Variants in AMOTL2 observed in about 807,000 individuals in gnomAD.
AMOTL2 encodes angiomotin-like protein 2.
Under a neutral mutation model 78.4 loss-of-function variants are expected in AMOTL2, and 33 were observed. The ratio of observed to expected loss-of-function variants is 0.42; its 90% CI spans 0.32 to 0.56. The LOEUF is 0.56. Ranked by LOEUF, AMOTL2 falls within the 20% of genes least tolerant of loss-of-function variation. The pLI is 0.12. For missense variants in AMOTL2, 983 were observed against 1,030.1 expected (o/e 0.95, Z 0.63); for synonymous variants, 422 against 428.8 (o/e 0.98, Z 0.20).
At position 134,371,053 on chromosome 3, in the gene AMOTL2, A is replaced by T. The variant is rs146314039; in HGVS notation, c.381T>A (p.His127Gln). ...CCCCACGGGGATCTCGGTCCCCCGCATGTGGCCGGGTCCCTGCCTGCTGGG... is the reference window on the plus strand; with the variant it reads ...CCCCACGGGGATCTCGGTCCCCCGCTTGTGGCCGGGTCCCTGCCTGCTGGG... ...YAAQQAGTRP[H>Q]AGDRDPRGAP... The change falls in exon 2 of 10, where the codon CAT becomes CAA. Residue 127 changes from histidine to glutamine, a missense_variant. His to Gln is a conservative substitution (Grantham distance 24, BLOSUM62 0). Transcript: ENST00000249883. The T allele has an allele frequency of 1.4e-5, 22 of 1,609,356 alleles. No homozygotes were observed. In the African/African-American group the frequency reaches 2.7e-4, roughly 20 times the overall value.
chr3:134,374,654 C>G (rs2018022496), upstream of AMOTL2: 5 of 983,954 alleles, frequency 5.1e-6, no homozygotes, highest in Non-Finnish European at 6.0e-6. Flanking sequence ...CGCTGCTGGC[C>G]GAGCGCCGGC....
Position 134,357,555 on chromosome 3 carries a change from T to G in AMOTL2, c.*150A>C. The G allele has an allele frequency of 1.2e-6, 1 of 821,180 alleles. No individual in the cohort carries two copies. 50.9% of individuals were successfully genotyped at this position (821,180 alleles called of 1,614,324 possible). ...CTCCTCTCCCCTGGGGTCCTCCTCC[T>G]GAGCTCCTGGGACCAGATGGTCAAT... On this transcript the variant is annotated 3_prime_UTR_variant, in exon 10 of 10. Transcript: ENST00000249883.
At chr3:134,368,457 T>C (rs888987955) in intron 2 of AMOTL2, among the ~76,000 whole-genome samples, 1 of 150,872 alleles carries the variant, frequency 6.6e-6, no homozygotes, top group African/African-American at 2.4e-5. Context: ...AGGGTAAGAG[T>C]CTGAGCTCTA....
In AMOTL2 at chr3:134,367,878, C is replaced by T. The variant is rs778499837; in HGVS notation, c.735-75G>A. Reference sequence around the variant, plus strand: ...TCCCACCAGAGCAGCCCGGGGTCACCCCACTCCTAGGCATACTGGGAAGAT... The same window carrying T: ...TCCCACCAGAGCAGCCCGGGGTCACTCCACTCCTAGGCATACTGGGAAGAT... On this transcript the variant is annotated intron_variant, in intron 2 of 9. Transcript: ENST00000249883. The T allele has an allele frequency of 5.1e-6, 7 of 1,370,428 alleles. No homozygotes were observed. In the African/African-American group the frequency reaches 8.8e-5, roughly 17 times the overall value. The allele number at this position is 1,370,428 out of a possible 1,614,324, so 84.9% of individuals were successfully genotyped here. A position where few individuals can be genotyped will look rare whatever the true frequency, so the allele number is the denominator to read the frequency against.
intron 6 of AMOTL2, among the ~76,000 whole-genome samples, chr3:134,361,125 C>G (rs150287884): frequency 6.6e-6 from 1 of 151,914 alleles, no homozygotes; most frequent in Admixed American, 6.6e-5. Flanking sequence ...AGTGAGCGTT[C>G]GCGCCACTGC....
Position 134,359,295 on chromosome 3 carries a change from G to T in AMOTL2, c.2092C>A (p.Arg698=), listed in dbSNP as rs149761638. The part of the protein sequence containing the change: ...SERQTADAPA[R]LTTADRAPTE... ...AGCCTCCTCTTACCTGTAGTCAGCCGAGCAGGGGCGTCTGCTGTTTGTCGC... is the reference window on the plus strand; with the variant it reads ...AGCCTCCTCTTACCTGTAGTCAGCCTAGCAGGGGCGTCTGCTGTTTGTCGC... The change falls in exon 8 of 10, where the codon CGG becomes AGG. Residue 698 remains arginine, a synonymous_variant. Transcript: ENST00000249883. 1.2e-6 allele frequency: 2 copies of T among 1,614,022 alleles called. No individual in the cohort carries two copies. The highest frequency in any genetic ancestry group is 1.7e-6 in the Non-Finnish European group (2 of 1,180,006).
rs1264602981 is a variant in AMOTL2 at position 134,371,096 on chromosome 3, T to G, written c.338A>C (p.His113Pro). ...CTGCTGGGCCGCATAGTACTGCGAG[T>G]GGGCTTTGGCCTCCTCATAGGTGGG... is the stretch of plus-strand genomic sequence containing the variant. ...ELPTYEEAKA[H>P]SQYYAAQQAG... The change falls in exon 2 of 10, where the codon CAC (histidine) becomes CCC (proline). Residue 113 changes from histidine to proline, a missense_variant. Physicochemically the swap from His to Pro is moderately conservative, Grantham distance 77 (BLOSUM62 -2). Transcript: ENST00000249883. The G allele has an allele frequency of 3.7e-6, 6 of 1,612,654 alleles. No homozygotes were observed.
At position 134,361,566 on chromosome 3, in the gene AMOTL2, C is replaced by G. The variant is rs2017365433; in HGVS notation, c.1521G>C (p.Glu507Asp). ...GCTCCAGGCGAGTCCGCAGACGCAG[C>G]TCCAGCTGCTCCCGCTTCTCACAGG... is the stretch of plus-strand genomic sequence containing the variant. ...QAACEKREQL[E>D]LRLRTRLEQE... is the part of the protein sequence containing the mutation. The change falls in exon 6 of 10, where the codon GAG becomes GAC. Residue 507 changes from glutamate (E) to aspartate (D), a missense_variant. Coordinates refer to ENST00000249883, the MANE Select transcript of AMOTL2 (RefSeq NM_016201.4). 1 of 1,613,276 alleles carries G rather than the reference C, an allele frequency of 6.2e-7. No homozygotes were observed. The highest frequency in any genetic ancestry group is 1.3e-5 in the African/African-American group (1 of 74,954).
intron 7 of AMOTL2, among the ~76,000 whole-genome samples, 159 bp downstream of exon 7, chr3:134,359,947 T>A (rs2017277266): frequency 6.6e-6 from 1 of 152,190 alleles, no homozygotes; most frequent in Admixed American, 6.5e-5. Context: ...ATGTTTACAG[T>A]GCCTGGTGTG....
Position 134,371,139 on chromosome 3 carries a change from T to A in AMOTL2, c.295A>T (p.Ser99Cys). 1 of 1,613,834 alleles carries A rather than the reference T, an allele frequency of 6.2e-7. No individual in the cohort carries two copies. Among genetic ancestry groups the A allele is most frequent in the Non-Finnish European group, 8.5e-7 (1 of 1,179,914 alleles). Residue 99 changes from serine (S) to cysteine (C), a missense_variant, in exon 2 of 10, where the codon AGC becomes TGC. By Grantham distance (112) the Ser-to-Cys change is moderately radical (BLOSUM62 -1). Transcript: ENST00000249883. ...NTLYRLCPQP[S>C]KGEELPTYEE... ...TAGGTGGGCAGCTCCTCTCCCTTGCTGGGCTGTGGGCATAGCCGGTAGAGG... is the reference window on the plus strand; with the variant it reads ...TAGGTGGGCAGCTCCTCTCCCTTGCAGGGCTGTGGGCATAGCCGGTAGAGG...
chr3:134,373,769 G>T (rs1214532072), intron 1 of AMOTL2: 2 of 985,352 alleles, frequency 2.0e-6, no homozygotes, highest in Admixed American at 1.2e-4. Flanking sequence ...AGCATCGCGG[G>T]TCCGCCTCCC....
intron 5 of AMOTL2, among the ~76,000 whole-genome samples, 170 bp from the exon 6 acceptor site, chr3:134,361,977 C>A (rs2107738857): frequency 6.6e-6 from 1 of 152,326 alleles, no homozygotes; most frequent in Non-Finnish European, 1.5e-5. Flanking sequence ...GAAACCAAGG[C>A]TCATGTTAAG....
At chr3:134,374,698 GC>G, upstream of AMOTL2, 1 of 980,636 alleles carries the variant, frequency 1.0e-6, no homozygotes, top group Non-Finnish European at 1.2e-6. Flanking sequence ...CGCGCCCAGC[GC>G]CCTCCAGGCC....
intron 5 of AMOTL2, among the ~76,000 whole-genome samples, chr3:134,364,595 A>C (rs2017528105): frequency 6.7e-6 from 1 of 149,126 alleles, no homozygotes; most frequent in Non-Finnish European, 1.5e-5. Flanking sequence ...ATCTCACCCC[A>C]CCCAGCCAGA....
Position 134,371,283 on chromosome 3 carries a change from G to T in AMOTL2, c.151C>A (p.Pro51Thr). ...GGAGTGGTGS[P>T]QASLEILAPE... Reference sequence around the variant, plus strand: ...GCCAGGATCTCCAGGGAGGCCTGGGGGCTCCCTGTACCCCCAGTTCCAGCC... The same window carrying T: ...GCCAGGATCTCCAGGGAGGCCTGGGTGCTCCCTGTACCCCCAGTTCCAGCC... Residue 51 changes from proline to threonine, a missense_variant, in exon 2 of 10, where the codon CCC becomes ACC. By Grantham distance (38) the Pro-to-Thr change is conservative. Coordinates refer to ENST00000249883, the MANE Select transcript of AMOTL2 (RefSeq NM_016201.4). The T allele has an allele frequency of 1.2e-6, 2 of 1,612,520 alleles. No individual in the cohort carries two copies. Among genetic ancestry groups the T allele is most frequent in the Non-Finnish European group, 1.7e-6 (2 of 1,179,992 alleles).
rs1338627786 is a variant in AMOTL2, at chr3:134,367,574, C to T, written c.964G>A (p.Ala322Thr). ...AQMEAVLREN[A>T]RLQRDNERLQ... ...CGCTCATTGTCTCTCTGCAGCCTGG[C>T]ATTCTCCCTCAGCACGGCCTCCATC... is the stretch of plus-strand genomic sequence containing the variant. Residue 322 changes from alanine to threonine, a missense_variant, in exon 3 of 10, where the codon GCC becomes ACC. By Grantham distance (58) the Ala-to-Thr change is moderately conservative (BLOSUM62 0). Transcript: ENST00000249883. 6.2e-7 allele frequency: 1 copy of T among 1,613,394 alleles called. No homozygotes were observed. Among genetic ancestry groups the T allele is most frequent in the Non-Finnish European group, 8.5e-7 (1 of 1,180,042 alleles).
At chr3:134,363,387 T>C (rs1366252993) in intron 5 of AMOTL2, among the ~76,000 whole-genome samples, 5 of 152,160 alleles carry the variant, frequency 3.3e-5, no homozygotes, top group Admixed American at 6.5e-5. Context: ...TTAACATCCA[T>C]TGAGGAGGGG....
At chr3:134,372,229 A>G (rs902836832) in intron 1 of AMOTL2, among the ~76,000 whole-genome samples, 1 of 152,146 alleles carries the variant, frequency 6.6e-6, no homozygotes, top group African/African-American at 2.4e-5. Context: ...CTCCTGGAGG[A>G]TGGGCTTGGG....
intron 1 of AMOTL2, 107 bp downstream of exon 1, chr3:134,374,235 G>T (rs1169457123): frequency 1.0e-6 from 1 of 985,318 alleles, no homozygotes; most frequent in East Asian, 1.1e-4. Context: ...CGATCCTCGA[G>T]GCTCCGACTC....
Sources: allele counts gnomAD v4.1 joint callset (sites outside exome capture counted in the v4.1 genomes callset), GRCh38; gene constraint gnomAD v4.1.1; transcripts MANE v1.5; gene names NCBI Gene and HGNC (gene_info 2026-07-23, HGNC 2026-07-21).